SLC14A2: variants seen among roughly 807,000 people sequenced by gnomAD.
SLC14A2 encodes the protein solute carrier family 14 member 2, also known as urea transporter 2.
A neutral mutation model predicts 104.6 loss-of-function variants in SLC14A2; 91 were observed. That is an observed-to-expected ratio of 0.87 (90% CI 0.73 to 1.04). The LOEUF is 1.04. Among genes scored for constraint, SLC14A2 ranks in the 50% least tolerant of loss-of-function variants. The pLI is 0.00. For synonymous variants in SLC14A2, 476 were observed against 466.4 expected (o/e 1.02, Z -0.27); for missense variants, 1,189 against 1,156.0 (o/e 1.03, Z -0.41).
intron 1 of SLC14A2, among the ~76,000 whole-genome samples, chr18:45,264,266 T>C (rs1258461756): frequency 6.6e-6 from 1 of 150,956 alleles, no homozygotes; most frequent in African/African-American, 2.5e-5. Context: ...TATTCATTCA[T>C]TTACCAACAG....
Position 45,666,918 on chromosome 18 carries a change from A to G in SLC14A2, c.1558-17A>G, listed in dbSNP as rs368750662. 2.2e-5 allele frequency: 36 copies of G among 1,611,104 alleles called. No homozygotes were observed. The highest frequency in any genetic ancestry group is 5.0e-5 in the Admixed American group (3 of 59,830). Reference sequence around the variant, plus strand: ...CACCGAATGTGGGAGACTCTTGCCTATCTCTGTCCTGGACAGGATCTGGAC... The same window carrying G: ...CACCGAATGTGGGAGACTCTTGCCTGTCTCTGTCCTGGACAGGATCTGGAC... On this transcript the variant is annotated splice_polypyrimidine_tract_variant and intron_variant, in intron 12 of 19. Transcript: ENST00000255226.
At chr18:45,179,360 C>T in the SLC14A2 span, among the ~76,000 whole-genome samples, 1 of 152,318 alleles carries the variant, frequency 6.6e-6, no homozygotes, top group East Asian at 1.9e-4. Context: ...TCCTCTCTCC[C>T]ACCATGGCCT....
intron 2 of SLC14A2, among the ~76,000 whole-genome samples, chr18:45,535,726 C>A (rs1352820500): frequency 6.6e-6 from 1 of 152,172 alleles, no homozygotes; most frequent in East Asian, 1.9e-4. Context: ...GGTTCTTAAT[C>A]TTTCGGGGTC....
In SLC14A2 at chr18:45,577,780, A is replaced by G. The variant is rs552114100; in HGVS notation, c.-34-46851A>G. 2.2e-4 allele frequency among the ~76,000 whole-genome samples: 34 copies of G among 152,332 alleles called. 3 individuals carry two copies. In the South Asian group the frequency reaches 7.1e-3, roughly 32 times the overall value. ...AAAGTTCACAGGCCAAAATCTCCCA[A>G]GTCAACTCCATGAATAATATAAAGA... is the stretch of plus-strand genomic sequence containing the variant. On this transcript the variant is annotated intron_variant, in intron 2 of 20. Transcript: ENST00000586448.
At chr18:45,218,744 A>T (rs1412276559) in intron 1 of SLC14A2, among the ~76,000 whole-genome samples, 1 of 152,192 alleles carries the variant, frequency 6.6e-6, no homozygotes, top group African/African-American at 2.4e-5. Flanking sequence ...AACTGGAGGA[A>T]CACTAGTTCC....
chr18:45,584,777 A>T (rs947502825), intron 2 of SLC14A2, among the ~76,000 whole-genome samples: 4 of 152,254 alleles, frequency 2.6e-5, no homozygotes, highest in African/African-American at 9.6e-5. Context: ...CTATGCTTCT[A>T]TAATCTGACT....
At chr18:45,169,383 C>A in the SLC14A2 span, among the ~76,000 whole-genome samples, 1 of 152,166 alleles carries the variant, frequency 6.6e-6, no homozygotes, top group African/African-American at 2.4e-5. Context: ...GCTTACACAA[C>A]TCACTCTATA....
chr18:45,193,455 G>A, the SLC14A2 span, among the ~76,000 whole-genome samples: 26 of 152,236 alleles, frequency 1.7e-4, no homozygotes, highest in African/African-American at 6.3e-4. Context: ...AATTATTCCA[G>A]CACCTTTTCT....
rs562284880 is a variant in SLC14A2, at chr18:45,530,654, C to T, written c.-35+47332C>T. 2.6e-5 allele frequency among the ~76,000 whole-genome samples: 4 copies of T among 152,040 alleles called. No individual in the cohort carries two copies. The East Asian group carries it at 7.7e-4, about 29-fold the overall frequency. ...CTTGAGAGCCTAAGAAGAGAAGGTA[C>T]ATGAGCTTTAGTTATTGAAAAAATT... On this transcript the variant is annotated intron_variant, in intron 2 of 20. Coordinates refer to the SLC14A2 transcript ENST00000586448.
At chr18:45,399,081 C>T (rs1232618283) in intron 1 of SLC14A2, among the ~76,000 whole-genome samples, 1 of 152,190 alleles carries the variant, frequency 6.6e-6, no homozygotes, top group Non-Finnish European at 1.5e-5. Context: ...TCACAACAAT[C>T]TCAAGAAGTA....
At chr18:45,281,372 G>A (rs984212854) in intron 1 of SLC14A2, among the ~76,000 whole-genome samples, 4 of 152,050 alleles carry the variant, frequency 2.6e-5, no homozygotes, top group African/African-American at 7.2e-5. Context: ...CAATGACTCC[G>A]CCACACCATC....
At chr18:45,513,709 G>A (rs1236014160) in intron 2 of SLC14A2, among the ~76,000 whole-genome samples, 1 of 152,168 alleles carries the variant, frequency 6.6e-6, no homozygotes, top group Non-Finnish European at 1.5e-5. Flanking sequence ...TTCTCAATAA[G>A]AGTTAGGGCT....
intron 1 of SLC14A2, among the ~76,000 whole-genome samples, chr18:45,390,022 T>C (rs1598746447): frequency 1.3e-5 from 2 of 152,132 alleles, no homozygotes; most frequent in African/African-American, 4.8e-5. Flanking sequence ...AACCTAAAAC[T>C]GCCCTAAAAA....
At chr18:45,592,113 TG>T (rs1038130537) in intron 2 of SLC14A2, among the ~76,000 whole-genome samples, 5 of 152,210 alleles carry the variant, frequency 3.3e-5, no homozygotes, top group African/African-American at 9.7e-5. Context: ...CCTTCCATCC[TG>T]GGGGAAAGGT....
At chr18:45,632,234 C>T in intron 4 of SLC14A2, 116 bp from the exon 5 acceptor site, 1 of 1,377,634 alleles carries the variant, frequency 7.3e-7, no homozygotes, top group Non-Finnish European at 9.8e-7. Context: ...TGACTTTTTT[C>T]TAAGCATTAT....
In SLC14A2 at chr18:45,663,805, C is replaced by T. The variant is rs2045969487; in HGVS notation, c.1372C>T (p.Pro458Ser). The change falls in exon 11 of 20, where the codon CCC becomes TCC. Residue 458 changes from proline (P) to serine (S), a missense_variant. Physicochemically the swap from Pro to Ser is moderately conservative, Grantham distance 74. Transcript: ENST00000255226. ...GCTAGGAGGCGGTGGGGAGCATCCA[C>T]CCACAGCAGGCCCAAAGGTGGAGGA... is the stretch of plus-strand genomic sequence containing the variant. ...APSGGGGEHP[P>S]TAGPKVEEGS... 1 of 1,612,878 alleles carries T rather than the reference C, an allele frequency of 6.2e-7. No individual in the cohort carries two copies.
intron 1 of SLC14A2, among the ~76,000 whole-genome samples, chr18:45,480,634 T>C (rs1705394993): frequency 6.6e-6 from 1 of 152,174 alleles, no homozygotes; most frequent in Admixed American, 6.5e-5. Flanking sequence ...ACAGCCCACA[T>C]AACCAGAGCA....
intron 2 of SLC14A2, among the ~76,000 whole-genome samples, chr18:45,521,126 C>T (rs1295610462): frequency 6.6e-6 from 1 of 152,188 alleles, no homozygotes; most frequent in Non-Finnish European, 1.5e-5. Context: ...GACCTGTCAA[C>T]AGTCATATTT....
At chr18:45,588,911 G>C (rs2044607870) in intron 2 of SLC14A2, among the ~76,000 whole-genome samples, 1 of 152,086 alleles carries the variant, frequency 6.6e-6, no homozygotes, top group African/African-American at 2.4e-5. Context: ...TACAGGGAGA[G>C]GTGAAAGGGA....
Sources: gnomAD v4.1 joint callset for allele counts (sites outside exome capture counted in the v4.1 genomes callset) on GRCh38, gnomAD v4.1.1 for gene constraint, MANE v1.5 for transcripts, NCBI Gene and HGNC (gene_info 2026-07-23, HGNC 2026-07-21) for gene names.